CLIP1: variants seen among roughly 807,000 people sequenced by gnomAD.
CLIP1 encodes CAP-Gly domain containing linker protein 1.
Under a neutral mutation model 161.6 loss-of-function variants are expected in CLIP1, and 66 were observed. The ratio of observed to expected loss-of-function variants is 0.41; its 90% CI spans 0.33 to 0.50. The LOEUF (loss-of-function observed/expected upper bound fraction) is 0.50. Ranked by LOEUF, CLIP1 falls within the 20% of genes least tolerant of loss-of-function variation. The pLI, the probability that CLIP1 is intolerant of heterozygous loss-of-function variation, is 0.27. For synonymous variants in CLIP1, 598 were observed against 626.2 expected (o/e 0.96, Z 0.67); for missense variants, 1,376 against 1,702.0 (o/e 0.81, Z 3.37).
At chr12:122,325,052 T>C (rs1951656593) in intron 17 of CLIP1, among the ~76,000 whole-genome samples, 1 of 129,512 alleles carries the variant, frequency 7.7e-6, no homozygotes, top group South Asian at 2.4e-4. Context: ...TGCAATGATA[T>C]AATTTTTTTT....
chr12:122,385,044 T>G (rs1270559081), intron 1 of CLIP1, among the ~76,000 whole-genome samples: 1 of 151,378 alleles, frequency 6.6e-6, no homozygotes, highest in South Asian at 2.1e-4. Context: ...GCGATTCTCC[T>G]GCCTCAGACT....
At chr12:122,341,739 C>G in intron 10 of CLIP1, 42 bp from the exon 11 acceptor site, 1 of 257,888 alleles carries the variant, frequency 3.9e-6, no homozygotes, top group Non-Finnish European at 7.2e-6. Flanking sequence ...ATTTAAATAA[C>G]AAGTCATTGA....
intron 12 of CLIP1, among the ~76,000 whole-genome samples, chr12:122,335,796 G>C (rs1012950656): frequency 6.7e-6 from 1 of 149,908 alleles, no homozygotes; most frequent in African/African-American, 2.5e-5. Context: ...AACAGAACAA[G>C]ACTCTGTCTC....
At chr12:122,359,706 G>A (rs1354176480) in intron 5 of CLIP1, among the ~76,000 whole-genome samples, 3 of 152,192 alleles carry the variant, frequency 2.0e-5, no homozygotes, top group Non-Finnish European at 2.9e-5. Context: ...TGGCAGAGGA[G>A]CACAGCCCCA....
intron 15 of CLIP1, among the ~76,000 whole-genome samples, chr12:122,329,482 T>A (rs1337959316): frequency 6.6e-6 from 1 of 151,524 alleles, no homozygotes; most frequent in East Asian, 1.9e-4. Flanking sequence ...TACAAAAAAT[T>A]AGCCGGGCAT....
At position 122,417,345 on chromosome 12, in the gene CLIP1, C is replaced by T. The variant is rs117199297; in HGVS notation, c.-107+5176G>A. Among the ~76,000 whole-genome samples the T allele has an allele frequency of 9.3e-5, 14 of 151,284 alleles. No homozygotes were observed. The East Asian group carries it at 2.7e-3, about 30-fold the overall frequency. On this transcript the variant is annotated intron_variant, in intron 1 of 25. Transcript: ENST00000620786. ...AACTTACTGTGTGTGGTGGTACACACCTCCTAGCTACTTGGGAGGCTGAGG... is the reference window on the plus strand; with the variant it reads ...AACTTACTGTGTGTGGTGGTACACATCTCCTAGCTACTTGGGAGGCTGAGG...
rs746967734 is a variant in CLIP1 at position 122,340,756 on chromosome 12, G to A, written c.2448C>T (p.Ser816=). The part of the protein sequence containing the change: ...HLEIEKNAES[S]KASSITRELQ... Reference sequence around the variant, plus strand: ...AATGGAGGATGTCAATACAAACCTTGCTACTTTCAGCATTCTTTTCAATCT... The same window carrying A: ...AATGGAGGATGTCAATACAAACCTTACTACTTTCAGCATTCTTTTCAATCT... The change falls in exon 11 of 26, where the codon AGC becomes AGT. Residue 816 remains serine (S), a synonymous_variant. Transcript: ENST00000620786. 2.5e-6 allele frequency: 4 copies of A among 1,569,404 alleles called. No homozygotes were observed. In the East Asian group the frequency reaches 6.8e-5, roughly 27 times the overall value.
chr12:122,372,469 C>T (rs910004446), intron 3 of CLIP1, among the ~76,000 whole-genome samples: 3 of 151,078 alleles, frequency 2.0e-5, no homozygotes, highest in Non-Finnish European at 2.9e-5. Context: ...GTAATCCCAG[C>T]TACGCTACTT....
chr12:122,330,128 A>G (rs1489570489), intron 15 of CLIP1, among the ~76,000 whole-genome samples: 2 of 152,064 alleles, frequency 1.3e-5, no homozygotes, highest in African/African-American at 4.8e-5. Context: ...AAAAAAAAAC[A>G]AAAAACAAAA....
In CLIP1 at chr12:122,351,111, A is replaced by T. The variant is rs899959132; in HGVS notation, c.1401T>A (p.Asn467Lys). The change falls in exon 9 of 26, where the codon AAT becomes AAA. Residue 467 changes from asparagine to lysine, a missense_variant and splice_region_variant. Asn to Lys is a moderately conservative substitution (Grantham distance 94, BLOSUM62 0). Coordinates refer to ENST00000620786, the MANE Select transcript of CLIP1 (RefSeq NM_001247997.2). ...TCCACACAGTTAAGTGCCCTCTTAC[A>T]TTCTCAGGATCTTCAGAAATCTGGC... is the stretch of plus-strand genomic sequence containing the variant. ...QKSQISEDPE[N>K]TQTKLEHARI... is the part of the protein sequence containing the mutation. The T allele has an allele frequency of 2.6e-6, 4 of 1,535,130 alleles. No individual in the cohort carries two copies. Among genetic ancestry groups the T allele is most frequent in the Admixed American group, 4.0e-5 (2 of 50,140 alleles).
intron 12 of CLIP1, among the ~76,000 whole-genome samples, chr12:122,335,442 A>G (rs943754749): frequency 4.0e-5 from 6 of 149,372 alleles, no homozygotes; most frequent in Non-Finnish European, 8.9e-5. Context: ...CTTAGGGGGA[A>G]AAAAAAAAAG....
Position 122,311,242 on chromosome 12 carries a change from G to C in CLIP1, c.3474-1360C>G, listed in dbSNP as rs1013460991. 6.6e-5 allele frequency among the ~76,000 whole-genome samples: 10 copies of C among 151,942 alleles called. No homozygotes were observed. Among genetic ancestry groups the C allele is most frequent in the Non-Finnish European group, 1.2e-4 (8 of 67,996 alleles). On this transcript the variant is annotated intron_variant, in intron 19 of 25. Transcript: ENST00000620786. This position sits in a 1 kb window ranked among gnomAD's most constrained non-coding sequence, Gnocchi z 4.3. ...TAAACATATTTCCCAGGTGGTCACT[G>C]CCTTCATGAGTGGCTACATGGTGTC...
rs149359571 is a variant in CLIP1 at position 122,366,001 on chromosome 12, T to C, written c.658-1894A>G. 3.0e-3 allele frequency among the ~76,000 whole-genome samples: 451 copies of C among 150,776 alleles called. 1 individual carries two copies. The highest frequency in any genetic ancestry group is 0.024 in the South Asian group (113 of 4,760). Reference sequence around the variant, plus strand: ...TCCAGCCTGGGTGACAGAGTGAGACTCCACCTCAAAAAAATAAAAAAGTAA... The same window carrying C: ...TCCAGCCTGGGTGACAGAGTGAGACCCCACCTCAAAAAAATAAAAAAGTAA... On this transcript the variant is annotated intron_variant, in intron 3 of 25. Transcript: ENST00000620786.
At chr12:122,275,741 G>A (rs1179474664) in intron 24 of CLIP1, 1 of 152,094 alleles carries the variant, frequency 6.6e-6, no homozygotes, top group East Asian at 1.9e-4. Context: ...CTGTTCGGCA[G>A]ATTTGAAAAA....
At chr12:122,408,279 T>C (rs760261785) in intron 1 of CLIP1, among the ~76,000 whole-genome samples, 7 of 152,064 alleles carry the variant, frequency 4.6e-5, no homozygotes, top group Non-Finnish European at 1.0e-4. Context: ...ATGAGCAAGT[T>C]TAATAGTTGC....
Position 122,319,223 on chromosome 12 carries a change from T to C in CLIP1, c.3366+9A>G. On this transcript the variant is annotated intron_variant, in intron 18 of 25. Coordinates refer to ENST00000620786, the MANE Select transcript of CLIP1 (RefSeq NM_001247997.2). Reference sequence around the variant, plus strand: ...TTCTTTGTATAAAAAGCTATTTAAATCTGATTACTTCATTCTGTAGTTTTG... The same window carrying C: ...TTCTTTGTATAAAAAGCTATTTAAACCTGATTACTTCATTCTGTAGTTTTG... 1 of 1,557,640 alleles carries C rather than the reference T, an allele frequency of 6.4e-7. No homozygotes were observed. Among genetic ancestry groups the C allele is most frequent in the African/African-American group, 1.4e-5 (1 of 73,896 alleles).
intron 1 of CLIP1, among the ~76,000 whole-genome samples, chr12:122,417,810 C>T (rs548043425): frequency 3.4e-4 from 51 of 152,118 alleles, no homozygotes; most frequent in Non-Finnish European, 5.6e-4. Context: ...CCGCGCCCGG[C>T]CAAATTATTC....
chr12:122,294,129 C>T (rs1166467675), intron 20 of CLIP1, among the ~76,000 whole-genome samples: 1 of 150,768 alleles, frequency 6.6e-6, no homozygotes, highest in Non-Finnish European at 1.5e-5. Context: ...GAGATCCAGA[C>T]CATCCTGACT....
intron 21 of CLIP1, chr12:122,280,073 G>A (rs1458517385): frequency 6.6e-6 from 1 of 150,918 alleles, no homozygotes; most frequent in South Asian, 2.1e-4. Context: ...AAAGTTGTGT[G>A]TTTTTTTTAT....
Sources: gnomAD v4.1 joint callset for allele counts (sites outside exome capture counted in the v4.1 genomes callset) on GRCh38, gnomAD v4.1.1 for gene constraint, Gnocchi (gnomAD v3.1) non-coding constraint, MANE v1.5 for transcripts, NCBI Gene and HGNC (gene_info 2026-07-23, HGNC 2026-07-21) for gene names.